Variants in TOM1L2 observed in about 807,000 individuals in gnomAD.
TOM1L2 encodes TOM1-like protein 2.
In TOM1L2, 31 loss-of-function variants were observed where a neutral mutation model predicts 67.9. The ratio of observed to expected loss-of-function variants is 0.46; its 90% CI spans 0.34 to 0.62. The LOEUF (loss-of-function observed/expected upper bound fraction) is 0.62, where lower values mean the gene tolerates loss of function less well. Among genes scored for constraint, TOM1L2 ranks in the 20% least tolerant of loss-of-function variants. TOM1L2 has a pLI of 0.01. For missense variants in TOM1L2, 606 were observed against 663.5 expected, an observed-to-expected ratio of 0.91 and a Z score of 0.95; for synonymous variants, 256 against 254.0, an observed-to-expected ratio of 1.01 and a Z score of -0.07.
At chr17:17,934,664 T>C (rs1265452645) in intron 1 of TOM1L2, among the ~76,000 whole-genome samples, 1 of 152,186 alleles carries the variant, frequency 6.6e-6, no homozygotes, top group African/African-American at 2.4e-5. Context: ...TTTTTAAAAA[T>C]GTGTCGACCT....
At chr17:17,922,744 C>T (rs946430176) in intron 1 of TOM1L2, among the ~76,000 whole-genome samples, 6 of 152,136 alleles carry the variant, frequency 3.9e-5, no homozygotes, top group African/African-American at 1.4e-4. Flanking sequence ...ATAGTGAGGG[C>T]GCAATAAATA....
chr17:17,864,514 TTTTTTTTTC>T (rs1196808111), intron 10 of TOM1L2, among the ~76,000 whole-genome samples: 11 of 151,410 alleles, frequency 7.3e-5, no homozygotes, highest in Non-Finnish European at 1.6e-4. Context: ...CCGGCTTTTT[TTTTTTTTTC>T]TTTTTTGAGA....
Position 17,873,637 on chromosome 17 carries a change from A to AT in TOM1L2, c.778-4165dup, listed in dbSNP as rs200818129. Among the ~76,000 whole-genome samples the AT allele has an allele frequency of 3.5e-4, 54 of 152,334 alleles. 1 individual carries two copies. In the East Asian group the frequency reaches 9.3e-3, roughly 26 times the overall value. ...GCCTGATGGAAGGGAGCAGGGGTTG[A>AT]TGTCAGTCTCCTCAACAGAGCCCTA... On this transcript the variant is annotated intron_variant, in intron 7 of 14. Coordinates refer to ENST00000379504, the MANE Select transcript of TOM1L2 (RefSeq NM_001082968.2).
chr17:17,849,979 A>G (rs775139589), intron 13 of TOM1L2, among the ~76,000 whole-genome samples: 25 of 152,242 alleles, frequency 1.6e-4, no homozygotes, highest in African/African-American at 5.5e-4. Context: ...AGAGGCCCCA[A>G]CCTGAGGCCT....
chr17:17,897,401 A>G (rs1264206883), intron 3 of TOM1L2, among the ~76,000 whole-genome samples: 1 of 152,206 alleles, frequency 6.6e-6, no homozygotes, highest in African/African-American at 2.4e-5. Flanking sequence ...AAAAATCCAA[A>G]CAGGTTCTCT....
chr17:17,875,623 G>A (rs1156995938), intron 7 of TOM1L2, among the ~76,000 whole-genome samples: 1 of 152,200 alleles, frequency 6.6e-6, no homozygotes, highest in Non-Finnish European at 1.5e-5. Flanking sequence ...TTGTACAAAA[G>A]CCCTCCAACT....
At chr17:17,908,690 T>A (rs1210053580) in intron 1 of TOM1L2, among the ~76,000 whole-genome samples, 1 of 152,166 alleles carries the variant, frequency 6.6e-6, no homozygotes, top group Non-Finnish European at 1.5e-5. Flanking sequence ...GAAAAGAGGT[T>A]CAACATCACT....
chr17:17,952,371 ATTTTCTTTTTT>A (rs2041239635), intron 1 of TOM1L2, among the ~76,000 whole-genome samples: 1 of 31,126 alleles, frequency 3.2e-5, no homozygotes, highest in African/African-American at 1.4e-4. Context: ...GTGCTTCTTT[ATTTTCTTTTTT>A]TTTTTTTTTT....
chr17:17,898,822 A>G (rs2038708327), intron 2 of TOM1L2, 148 bp from the exon 3 acceptor site: 2 of 728,510 alleles, frequency 2.7e-6, no homozygotes, highest in African/African-American at 3.5e-5. Context: ...CTGAATGTCC[A>G]TCAATACACA....
chr17:17,954,884 C>T lies in TOM1L2; in HGVS notation c.52+17378G>A, dbSNP rs188176454. Among the ~76,000 whole-genome samples the T allele has an allele frequency of 1.6e-4, 25 of 152,328 alleles. No homozygotes were observed. The East Asian group carries it at 4.2e-3, about 26-fold the overall frequency. On this transcript the variant is annotated intron_variant, in intron 1 of 14. Coordinates refer to ENST00000379504, the MANE Select transcript of TOM1L2 (RefSeq NM_001082968.2). ...ACAAAAAACTCTCACACAGATACTA[C>T]GCTCTAAGGCCAAGAGAGGTCCCAG...
At chr17:17,848,239 G>C (rs775067664) in intron 14 of TOM1L2, among the ~76,000 whole-genome samples, 3 of 152,212 alleles carry the variant, frequency 2.0e-5, no homozygotes, top group Admixed American at 6.5e-5. Flanking sequence ...GAGCTAGGGA[G>C]CAGGGTCCTC....
At chr17:17,879,848 TGGG>T in intron 6 of TOM1L2, 105 bp from the exon 7 acceptor site, 1 of 978,198 alleles carries the variant, frequency 1.0e-6, no homozygotes, top group Non-Finnish European at 1.6e-6. Context: ...TCCTTCTCAC[TGGG>T]AGATCTGGGT....
intron 1 of TOM1L2, among the ~76,000 whole-genome samples, chr17:17,912,185 G>A (rs1484441309): frequency 6.6e-6 from 1 of 152,222 alleles, no homozygotes; most frequent in Non-Finnish European, 1.5e-5. Flanking sequence ...CTCCCAGACG[G>A]GGTGGTGGCC....
intron 1 of TOM1L2, among the ~76,000 whole-genome samples, chr17:17,926,163 T>G (rs1217499039): frequency 1.4e-5 from 2 of 145,744 alleles, no homozygotes; most frequent in Non-Finnish European, 3.0e-5. Flanking sequence ...AGAGTAAAAC[T>G]CTGTCTCTTG....
intron 10 of TOM1L2, among the ~76,000 whole-genome samples, chr17:17,863,680 CT>C (rs2036687511): frequency 6.6e-6 from 1 of 151,422 alleles, no homozygotes; most frequent in African/African-American, 2.4e-5. Flanking sequence ...TCCCAAGTAG[CT>C]AGGACTACAG....
At chr17:17,860,477 C>T (rs1353869161) in intron 12 of TOM1L2, among the ~76,000 whole-genome samples, 1 of 152,212 alleles carries the variant, frequency 6.6e-6, no homozygotes, top group Non-Finnish European at 1.5e-5. Context: ...TCCCTTCCCC[C>T]AAGAAGGAGC....
At chr17:17,863,756 C>T (rs866572721) in intron 10 of TOM1L2, among the ~76,000 whole-genome samples, 9 of 151,910 alleles carry the variant, frequency 5.9e-5, no homozygotes, top group Non-Finnish European at 8.8e-5. Flanking sequence ...GTTATGTTGC[C>T]CAGGCTGGTC....
At chr17:17,855,270 G>C (rs1393952198) in intron 12 of TOM1L2, among the ~76,000 whole-genome samples, 1 of 152,196 alleles carries the variant, frequency 6.6e-6, no homozygotes, top group Non-Finnish European at 1.5e-5. Context: ...CAGGGGTTAG[G>C]ATTATCCTTC....
At chr17:17,867,903 T>G (rs1328923821) in intron 8 of TOM1L2, among the ~76,000 whole-genome samples, 1 of 152,206 alleles carries the variant, frequency 6.6e-6, no homozygotes, top group African/African-American at 2.4e-5. Context: ...ATTTTAATCC[T>G]GGGGTACCTT....
Sources: allele counts gnomAD v4.1 joint callset (sites outside exome capture counted in the v4.1 genomes callset), GRCh38; gene constraint gnomAD v4.1.1; transcripts MANE v1.5; gene names NCBI Gene and HGNC (gene_info 2026-07-23, HGNC 2026-07-21).